GLT1D1: variants seen among roughly 807,000 people sequenced by gnomAD.
GLT1D1 encodes the protein glycosyltransferase 1 domain-containing protein 1.
Under a neutral mutation model 28.7 loss-of-function variants are expected in GLT1D1, and 21 were observed. The ratio of observed to expected loss-of-function variants is 0.73; its 90% CI spans 0.52 to 1.05. The LOEUF is 1.05. Ranked by LOEUF, GLT1D1 falls within the 50% of genes least tolerant of loss-of-function variation. GLT1D1 has a pLI of 0.00. For synonymous variants in GLT1D1, 147 were observed against 124.8 expected (o/e 1.18, Z -1.19); for missense variants, 343 against 330.6 (o/e 1.04, Z -0.29).
At position 128,901,530 on chromosome 12, in the gene GLT1D1, G is replaced by A. The variant is rs371937358; in HGVS notation, c.375+2243G>A. On this transcript the variant is annotated intron_variant, in intron 4 of 7. Transcript: ENST00000281703. ...CGGCTCACTGCAACCTCTGCCTCCC[G>A]GTTTCAAGCTATTCTCCTACCTCAG... Among the ~76,000 whole-genome samples, 21 of 151,516 alleles carry A rather than the reference G, an allele frequency of 1.4e-4. No individual in the cohort carries two copies. The East Asian group carries it at 2.9e-3, about 21-fold the overall frequency.
chr12:128,943,415 A>C (rs1017563342), intron 4 of GLT1D1, among the ~76,000 whole-genome samples: 5 of 151,498 alleles, frequency 3.3e-5, no homozygotes, highest in Admixed American at 1.3e-4. Flanking sequence ...CGGATCATAC[A>C]TTTGGATCAA....
intron 4 of GLT1D1, among the ~76,000 whole-genome samples, chr12:128,929,331 T>G (rs1387073778): frequency 6.6e-6 from 1 of 152,222 alleles, no homozygotes. Flanking sequence ...GGTCATCTCA[T>G]GAGAAAGAGC....
chr12:128,888,287 T>G (rs1240880440), intron 2 of GLT1D1, among the ~76,000 whole-genome samples: 1 of 152,172 alleles, frequency 6.6e-6, no homozygotes, highest in African/African-American at 2.4e-5. Context: ...GAGCCCTTTT[T>G]TTGTCATGAA....
chr12:128,872,927 C>T (rs956110145), intron 1 of GLT1D1, among the ~76,000 whole-genome samples: 2 of 152,114 alleles, frequency 1.3e-5, no homozygotes, highest in East Asian at 1.9e-4. Flanking sequence ...GGGTCTCGCT[C>T]TGTTGAGACC....
At chr12:128,879,378 T>TTCC in intron 2 of GLT1D1, among the ~76,000 whole-genome samples, 1 of 69,896 alleles carries the variant, frequency 1.4e-5, no homozygotes, top group Admixed American at 1.5e-4. Context: ...ATTTTTTTCT[T>TTCC]TTTCTTTCTT....
intron 4 of GLT1D1, among the ~76,000 whole-genome samples, chr12:128,931,495 C>T (rs535752507): frequency 1.3e-5 from 2 of 149,632 alleles, no homozygotes; most frequent in South Asian, 2.1e-4. Flanking sequence ...TTAGTAGAGA[C>T]GGGGGTTTCA....
At chr12:128,908,050 T>C (rs1871064426) in intron 4 of GLT1D1, among the ~76,000 whole-genome samples, 1 of 152,236 alleles carries the variant, frequency 6.6e-6, no homozygotes, top group Admixed American at 6.5e-5. Context: ...TCCTTTTATT[T>C]TGTGAAGGGT....
At chr12:128,875,381 A>G (rs1956846970) in intron 1 of GLT1D1, among the ~76,000 whole-genome samples, 2 of 152,224 alleles carry the variant, frequency 1.3e-5, no homozygotes, top group Admixed American at 6.5e-5. Context: ...AGTCCTGGGT[A>G]TCTGAGACTG....
At chr12:128,867,968 T>C (rs1262180854) in intron 1 of GLT1D1, among the ~76,000 whole-genome samples, 7 of 152,234 alleles carry the variant, frequency 4.6e-5, no homozygotes, top group African/African-American at 1.7e-4. Flanking sequence ...AAGCTATTAC[T>C]GTGGTGTGGC....
intron 1 of GLT1D1, among the ~76,000 whole-genome samples, chr12:128,859,776 G>T (rs1272512658): frequency 2.6e-5 from 4 of 152,164 alleles, no homozygotes; most frequent in Non-Finnish European, 4.4e-5. Flanking sequence ...ACAGGACTTG[G>T]CAGTTGAGTG....
intron 7 of GLT1D1, among the ~76,000 whole-genome samples, chr12:128,972,999 G>C (rs1879337088): frequency 6.6e-6 from 1 of 152,036 alleles, no homozygotes; most frequent in Admixed American, 6.6e-5. Context: ...TCTCCAGAAT[G>C]TGACCCTCCT....
At chr12:128,901,444 T>C (rs1383736680) in intron 4 of GLT1D1, among the ~76,000 whole-genome samples, 1 of 151,422 alleles carries the variant, frequency 6.6e-6, no homozygotes, top group African/African-American at 2.4e-5. Flanking sequence ...CTCTCATTTT[T>C]TTTTTTTTCT....
At chr12:128,901,575 TACA>T (rs1870269788) in intron 4 of GLT1D1, among the ~76,000 whole-genome samples, 1 of 151,912 alleles carries the variant, frequency 6.6e-6, no homozygotes, top group Non-Finnish European at 1.5e-5. Flanking sequence ...TAGCTGGGAC[TACA>T]GGCGCCCACC....
intron 4 of GLT1D1, among the ~76,000 whole-genome samples, chr12:128,912,141 A>C (rs1871605671): frequency 6.6e-6 from 1 of 152,166 alleles, no homozygotes; most frequent in African/African-American, 2.4e-5. Context: ...TAATATAGCA[A>C]GTGTAAAATT....
At chr12:128,931,192 G>A (rs1284541064) in intron 4 of GLT1D1, among the ~76,000 whole-genome samples, 1 of 151,986 alleles carries the variant, frequency 6.6e-6, no homozygotes, top group East Asian at 1.9e-4. Context: ...TAGTAGAGAC[G>A]GGCTTTCGCC....
chr12:128,959,411 T>TGGG (rs1555219940), intron 7 of GLT1D1, among the ~76,000 whole-genome samples: 4 of 31,540 alleles, frequency 1.3e-4, no homozygotes, highest in African/African-American at 4.5e-4. Context: ...CATGAGGCAG[T>TGGG]GGGGGGGGAC....
chr12:128,933,475 T>C (rs470668), intron 4 of GLT1D1, among the ~76,000 whole-genome samples: 136,194 of 152,318 alleles, frequency 0.89, 62,310 homozygotes, highest in East Asian at 1. Context: ...CTATTCTACG[T>C]CATTTTGAGA....
rs117222115 is a variant in GLT1D1 at position 128,923,011 on chromosome 12, G to A, written c.376-22315G>A. Among the ~76,000 whole-genome samples, 317 of 151,902 alleles carry A rather than the reference G, an allele frequency of 2.1e-3. 1 individual carries two copies. The highest frequency in any genetic ancestry group is 3.5e-3 in the Non-Finnish European group (237 of 67,986). On this transcript the variant is annotated intron_variant, in intron 4 of 7. Transcript: ENST00000281703. ...AAAATTGACAATGCAGATTGTCAGC[G>A]GCTTATTCAGAGGCTGTGACAATTT...
Position 128,940,062 on chromosome 12 carries a change from A to G in GLT1D1, c.376-5264A>G, listed in dbSNP as rs550316056. Among the ~76,000 whole-genome samples, 11 of 151,754 alleles carry G rather than the reference A, an allele frequency of 7.2e-5. No individual in the cohort carries two copies. In the East Asian group the frequency reaches 1.9e-3, roughly 27 times the overall value. The stretch of plus-strand genomic sequence containing the variant: ...GGTGGTGCCGTCTGTAGCTCTCAAT[A>G]GATGTATTTTGTATTGTATTGTAGC... On this transcript the variant is annotated intron_variant, in intron 4 of 7. Coordinates refer to ENST00000281703, the MANE Select transcript of GLT1D1 (RefSeq NM_144669.3).
Sources: gnomAD v4.1 joint callset for allele counts (sites outside exome capture counted in the v4.1 genomes callset) on GRCh38, gnomAD v4.1.1 for gene constraint, MANE v1.5 for transcripts, NCBI Gene and HGNC (gene_info 2026-07-23, HGNC 2026-07-21) for gene names.